SCNM1: variants seen among roughly 807,000 people sequenced by gnomAD.
SCNM1 encodes sodium channel modifier 1.
In SCNM1, 24 loss-of-function variants were observed where a neutral mutation model predicts 32.8. The observed-to-expected ratio is 0.73, with a 90% CI of 0.53 to 1.03. The LOEUF is 1.03. Among genes scored for constraint, SCNM1 ranks in the 50% least tolerant of loss-of-function variants. The pLI, the probability that SCNM1 is intolerant of heterozygous loss-of-function variation, is 0.00. For missense variants in SCNM1, 274 were observed against 282.3 expected, an observed-to-expected ratio of 0.97 and a Z score of 0.21; for synonymous variants, 99 against 103.2, an observed-to-expected ratio of 0.96 and a Z score of 0.25.
chr1:151,170,076 C>T lies in SCNM1; in HGVS notation c.*991C>T. ...CAGCGCTAGTTGGTAAAGGGAAATG[C>T]AGTGTTATCTCTTCTTTTGCTGGCG... On this transcript the variant is annotated 3_prime_UTR_variant, in exon 7 of 7. Coordinates refer to ENST00000368905, the MANE Select transcript of SCNM1 (RefSeq NM_024041.4). 1 of 1,614,116 alleles carries T rather than the reference C, an allele frequency of 6.2e-7. No individual in the cohort carries two copies. The highest frequency in any genetic ancestry group is 8.5e-7 in the Non-Finnish European group (1 of 1,179,966).
Position 151,168,221 on chromosome 1 carries a change from G to C in SCNM1, c.476G>C (p.Ser159Thr), listed in dbSNP as rs756474374. 1.2e-6 allele frequency: 2 copies of C among 1,614,174 alleles called. No individual in the cohort carries two copies. The highest frequency in any genetic ancestry group is 1.7e-6 in the Non-Finnish European group (2 of 1,180,040). Residue 159 changes from serine to threonine, a missense_variant, in exon 6 of 7, where the codon AGT (serine) becomes ACT (threonine). Coordinates refer to ENST00000368905, the MANE Select transcript of SCNM1 (RefSeq NM_024041.4). Reference sequence around the variant, plus strand: ...GTCAAACTCCAAAGTGGGAAGATCAGTAGGGAACCTGAACCTGCGGCTGGC... The same window carrying C: ...GTCAAACTCCAAAGTGGGAAGATCACTAGGGAACCTGAACCTGCGGCTGGC... ...SEVKLQSGKI[S>T]REPEPAAGPQ...
In SCNM1 at chr1:151,168,354, C is replaced by G. The variant is rs368689372; in HGVS notation, c.593+16C>G. The G allele has an allele frequency of 6.4e-7, 1 of 1,559,910 alleles. No homozygotes were observed. The highest frequency in any genetic ancestry group is 8.7e-7 in the Non-Finnish European group (1 of 1,153,220). On this transcript the variant is annotated intron_variant, in intron 6 of 6. Transcript: ENST00000368905. ...CCCTTCGAAGGTGAGTATGCCTAAT[C>G]AGTTTCCTCAGATTTTCTTTTCTCT...
rs2101704396 is a variant in SCNM1, at chr1:151,168,135, T to C, written c.399-9T>C. Reference sequence around the variant, plus strand: ...TTACTGCTTTTACAGACTATTCTTCTCTACCTAGACCAGAAGCCCCTGGTC... The same window carrying C: ...TTACTGCTTTTACAGACTATTCTTCCCTACCTAGACCAGAAGCCCCTGGTC... On this transcript the variant is annotated splice_polypyrimidine_tract_variant and intron_variant, in intron 5 of 6. Transcript: ENST00000368905. The C allele has an allele frequency of 1.2e-6, 2 of 1,602,384 alleles. No individual in the cohort carries two copies. The highest frequency in any genetic ancestry group is 1.7e-6 in the Non-Finnish European group (2 of 1,174,474).
At position 151,169,990 on chromosome 1, in the gene SCNM1, A is replaced by G. The variant is rs1351919549; in HGVS notation, c.*905A>G. ...CCAAGGAAGGAGGCAGGCAAAATGG[A>G]TAGAAGGGCTTTTATTTACAGGAAA... On this transcript the variant is annotated 3_prime_UTR_variant, in exon 7 of 7. Transcript: ENST00000368905. 7 of 1,513,022 alleles carry G rather than the reference A, an allele frequency of 4.6e-6. No individual in the cohort carries two copies. The highest frequency in any genetic ancestry group is 6.4e-6 in the Non-Finnish European group (7 of 1,089,820). The allele number at this position is 1,513,022 out of a possible 1,614,324, so 93.7% of individuals were successfully genotyped here.
chr1:151,168,101 C>G, intron 5 of SCNM1, 43 bp from the exon 6 acceptor site: 1 of 1,540,760 alleles, frequency 6.5e-7, no homozygotes, highest in Non-Finnish European at 8.7e-7. Flanking sequence ...GGAGAGTTGG[C>G]CCTTTCCCTT....
Position 151,166,530 on chromosome 1 carries a change from T to G in SCNM1, c.111T>G (p.Leu37=), listed in dbSNP as rs753768934. 5.6e-6 allele frequency: 9 copies of G among 1,613,666 alleles called. No individual in the cohort carries two copies. The African/African-American group carries it at 1.2e-4, about 22-fold the overall frequency. Residue 37 remains leucine (L), a synonymous_variant, in exon 2 of 7, where the codon CTT becomes CTG. Transcript: ENST00000368905. ...SYIPEDEALM[L]RDGRFACAIC... ...TTCCAGAGGATGAGGCGCTGATGCT[T>G]CGGGATGGACGGTAAGAGCAAGGAG...
At chr1:151,168,363 C>A in intron 6 of SCNM1, 25 bp downstream of exon 6, 1 of 1,549,994 alleles carries the variant, frequency 6.5e-7, no homozygotes, top group Non-Finnish European at 8.7e-7. Context: ...TCAGTTTCCT[C>A]AGATTTTCTT....
At position 151,169,911 on chromosome 1, in the gene SCNM1, T is replaced by C; in HGVS notation, c.*826T>C. The stretch of plus-strand genomic sequence containing the variant: ...GATCCCCAGAGTATAAATAATCCCC[T>C]GGTGAACTGGCAGTAACCCTTGGGG... On this transcript the variant is annotated 3_prime_UTR_variant, in exon 7 of 7. Transcript: ENST00000368905. The C allele has an allele frequency of 7.2e-6, 5 of 697,364 alleles. No homozygotes were observed. The highest frequency in any genetic ancestry group is 1.2e-5 in the Non-Finnish European group (5 of 404,720). The allele number at this position is 697,364 out of a possible 1,614,324, so 43.2% of individuals were successfully genotyped here. A position where few individuals can be genotyped will look rare whatever the true frequency, so the allele number is the denominator to read the frequency against.
intron 2 of SCNM1, 171 bp downstream of exon 2, chr1:151,166,712 G>A: frequency 7.8e-7 from 1 of 1,277,816 alleles, no homozygotes; most frequent in South Asian, 1.5e-5. Flanking sequence ...GGGTTTACAA[G>A]CGCATGCCAC....
chr1:151,166,177 G>A lies in SCNM1; in HGVS notation c.25G>A (p.Asp9Asn). The A allele has an allele frequency of 6.2e-7, 1 of 1,606,408 alleles. No individual in the cohort carries two copies. The change falls in exon 1 of 7, where the codon GAT becomes AAT. Residue 9 changes from aspartate (D) to asparagine (N), a missense_variant. Asp to Asn is a conservative substitution (Grantham distance 23, BLOSUM62 1). Transcript: ENST00000368905. MSFKREGD[D>N]WSQLNVLKKR... ...GATGTCTTTCAAGAGGGAAGGAGACGATTGGAGTCAACTCAATGTGCTCAA... is the reference window on the plus strand; with the variant it reads ...GATGTCTTTCAAGAGGGAAGGAGACAATTGGAGTCAACTCAATGTGCTCAA...
chr1:151,167,529 T>C, intron 5 of SCNM1, 115 bp downstream of exon 5: 1 of 1,467,934 alleles, frequency 6.8e-7, no homozygotes, highest in East Asian at 2.3e-5. Context: ...TTACTTAGTG[T>C]TTCAAGAAAA....
intron 5 of SCNM1, 185 bp from the exon 6 acceptor site, chr1:151,167,959 T>TA (rs587636565): frequency 1.3e-4 from 80 of 610,340 alleles, no homozygotes; most frequent in Middle Eastern, 1.0e-3. Flanking sequence ...GTCTTAAGAT[T>TA]AAAAAAAACT....
chr1:151,166,874 C>T (rs1379284173), intron 2 of SCNM1, 60 bp from the exon 3 acceptor site: 5 of 1,608,154 alleles, frequency 3.1e-6, no homozygotes, highest in Non-Finnish European at 4.2e-6. Flanking sequence ...GGACCTATGG[C>T]AGGGACGGGC....
chr1:151,170,143 C>G lies in SCNM1; in HGVS notation c.*1058C>G. On this transcript the variant is annotated 3_prime_UTR_variant, in exon 7 of 7. Transcript: ENST00000368905. ...TATTAAACATAAGTGTTTGTTCCAGCTCCTGCTTTCTGCAAAGGCACTCTT... is the reference window on the plus strand; with the variant it reads ...TATTAAACATAAGTGTTTGTTCCAGGTCCTGCTTTCTGCAAAGGCACTCTT... 2 of 1,613,560 alleles carry G rather than the reference C, an allele frequency of 1.2e-6. No homozygotes were observed. The highest frequency in any genetic ancestry group is 2.2e-5 in the South Asian group (2 of 91,054).
Position 151,169,238 on chromosome 1 carries a change from TC to T in SCNM1, c.*155del. The stretch of plus-strand genomic sequence containing the variant: ...CTGCAAGGTACACAGCTCTCCACAC[TC>T]CTTTTTTTTTTTTTTTTTTTTTTGA... On this transcript the variant is annotated 3_prime_UTR_variant, in exon 7 of 7. Coordinates refer to ENST00000368905, the MANE Select transcript of SCNM1 (RefSeq NM_024041.4). The T allele has an allele frequency of 7.8e-6, 3 of 385,742 alleles. No individual in the cohort carries two copies. The highest frequency in any genetic ancestry group is 4.9e-5 in the East Asian group (1 of 20,406). The allele number at this position is 385,742 out of a possible 1,614,324, so 23.9% of individuals were successfully genotyped here.
Position 151,169,110 on chromosome 1 carries a change from A to C in SCNM1, c.*25A>C. ...ATACCCTTTTCCCATTCATTCACAA[A>C]TAAATTACAATGGGTGCTGAGAACT... On this transcript the variant is annotated 3_prime_UTR_variant, in exon 7 of 7. Transcript: ENST00000368905. 6.2e-7 allele frequency: 1 copy of C among 1,613,308 alleles called. No homozygotes were observed. The highest frequency in any genetic ancestry group is 1.1e-5 in the South Asian group (1 of 91,060).
chr1:151,166,571 G>GAA (rs752583286), intron 2 of SCNM1, 30 bp downstream of exon 2: 2 of 1,611,192 alleles, frequency 1.2e-6, no homozygotes, highest in East Asian at 4.5e-5. Context: ...CAAGCCTGAG[G>GAA]GTTCTGCGGT....
chr1:151,166,942 G>A lies in SCNM1; in HGVS notation c.131G>A (p.Cys44Tyr). Residue 44 changes from cysteine to tyrosine, a missense_variant, in exon 3 of 7, where the codon TGT becomes TAT. Cys to Tyr is a radical substitution (Grantham distance 194). Coordinates refer to ENST00000368905, the MANE Select transcript of SCNM1 (RefSeq NM_024041.4). The part of the protein sequence containing the change: ...ALMLRDGRFA[C>Y]AICPHRPVLD... The stretch of plus-strand genomic sequence containing the variant: ...TCTCTACCCCTGCTCAGCTTTGCTT[G>A]TGCCATCTGCCCCCATCGACCGGTA... 6.2e-7 allele frequency: 1 copy of A among 1,614,050 alleles called. No homozygotes were observed. Among genetic ancestry groups the A allele is most frequent in the Non-Finnish European group, 8.5e-7 (1 of 1,180,018 alleles).
rs1558205413 is a variant in SCNM1 at position 151,167,224 on chromosome 1, C to CA, written c.309+7dup. 6.2e-7 allele frequency: 1 copy of CA among 1,614,126 alleles called. No individual in the cohort carries two copies. Among genetic ancestry groups the CA allele is most frequent in the Non-Finnish European group, 8.5e-7 (1 of 1,180,022 alleles). ...GGGAAGAAACCAAAGCTGAGGTAAT[C>CA]AGAGAGTGGAGAGTGTGTTCTAGGC... On this transcript the variant is annotated splice_region_variant and intron_variant, in intron 4 of 6. Coordinates refer to ENST00000368905, the MANE Select transcript of SCNM1 (RefSeq NM_024041.4).
Sources: allele counts gnomAD v4.1 joint callset, GRCh38; gene constraint gnomAD v4.1.1; transcripts MANE v1.5; gene names NCBI Gene and HGNC (gene_info 2026-07-23, HGNC 2026-07-21).